The following VOPP1 variants were observed in gnomAD, a reference collection of about 807,000 sequenced individuals.
VOPP1 encodes the protein VOPP1 WW domain binding protein, also known as WW domain binding protein VOPP1.
VOPP1 carries 8 observed loss-of-function variants against 23.5 expected under a neutral mutation model. The ratio of observed to expected loss-of-function variants is 0.34; its 90% CI spans 0.20 to 0.61. The LOEUF (loss-of-function observed/expected upper bound fraction) is 0.61, where lower values mean the gene tolerates loss of function less well. Ranked by LOEUF, VOPP1 falls within the 20% of genes least tolerant of loss-of-function variation. The pLI, the probability that VOPP1 is intolerant of heterozygous loss-of-function variation, is 0.78. For missense variants in VOPP1, 174 were observed against 238.1 expected (o/e 0.73, Z 1.77); for synonymous variants, 83 against 97.3 (o/e 0.85, Z 0.86).
intron 4 of VOPP1, among the ~76,000 whole-genome samples, chr7:55,474,998 C>T (rs985662078): frequency 3.9e-5 from 6 of 152,320 alleles, no homozygotes; most frequent in African/African-American, 9.6e-5. Flanking sequence ...GGTTCCCGTG[C>T]TCTTTCTCTA....
intron 2 of VOPP1, among the ~76,000 whole-genome samples, chr7:55,500,820 T>C (rs1015780877): frequency 6.6e-6 from 1 of 152,216 alleles, no homozygotes; most frequent in Non-Finnish European, 1.5e-5. Flanking sequence ...CCAGCCCAGG[T>C]CACTGTCTGC....
At chr7:55,509,617 T>C (rs1339931339) in intron 2 of VOPP1, among the ~76,000 whole-genome samples, 2 of 152,194 alleles carry the variant, frequency 1.3e-5, no homozygotes, top group Admixed American at 6.5e-5. Flanking sequence ...TATAAGCAAA[T>C]GCTCAGAACT....
At chr7:55,533,918 C>A (rs575455127) in intron 1 of VOPP1, among the ~76,000 whole-genome samples, 1 of 152,146 alleles carries the variant, frequency 6.6e-6, no homozygotes, top group African/African-American at 2.4e-5. Context: ...TGAAAACACC[C>A]ACAGGAAGGA....
chr7:55,475,994 A>G (rs556304530), intron 4 of VOPP1, among the ~76,000 whole-genome samples: 25 of 152,318 alleles, frequency 1.6e-4, no homozygotes, highest in Non-Finnish European at 2.4e-4. Context: ...GACTCTCCCT[A>G]TGATGACAGG....
At chr7:55,518,629 C>A (rs1189426564) in intron 2 of VOPP1, among the ~76,000 whole-genome samples, 2 of 152,210 alleles carry the variant, frequency 1.3e-5, no homozygotes, top group Non-Finnish European at 2.9e-5. Context: ...GCGCTGCTGA[C>A]TGCATGGTGG....
At chr7:55,516,597 G>A (rs1365569752) in intron 2 of VOPP1, among the ~76,000 whole-genome samples, 1 of 152,204 alleles carries the variant, frequency 6.6e-6, no homozygotes, top group Non-Finnish European at 1.5e-5. Context: ...TGCCACCTGG[G>A]ATTTCCGGTG....
At chr7:55,438,480 A>C (rs1330086706) in intron 4 of VOPP1, among the ~76,000 whole-genome samples, 1 of 152,174 alleles carries the variant, frequency 6.6e-6, no homozygotes, top group East Asian at 1.9e-4. Context: ...TGATGGTGGG[A>C]GGTACACAGG....
At chr7:55,486,083 G>A (rs924611158) in intron 4 of VOPP1, among the ~76,000 whole-genome samples, 3 of 152,218 alleles carry the variant, frequency 2.0e-5, no homozygotes, top group African/African-American at 7.2e-5. Context: ...ACCACGACGG[G>A]CCAGAGGCTC....
intron 1 of VOPP1, among the ~76,000 whole-genome samples, chr7:55,535,759 G>C (rs1438137896): frequency 6.6e-6 from 1 of 152,158 alleles, no homozygotes; most frequent in African/African-American, 2.4e-5. Flanking sequence ...AACTTATTTG[G>C]TCCTAATGAG....
intron 3 of VOPP1, among the ~76,000 whole-genome samples, chr7:55,494,728 TG>T (rs1562925307): frequency 6.6e-6 from 1 of 152,214 alleles, no homozygotes; most frequent in Non-Finnish European, 1.5e-5. Flanking sequence ...CCTCCCACCT[TG>T]GCCTCCCAAA....
Position 55,552,539 on chromosome 7 carries a change from A to C in VOPP1, c.54+19732T>G. The C allele has an allele frequency of 5.3e-6, 8 of 1,506,932 alleles. No individual in the cohort carries two copies. The South Asian group carries it at 9.6e-5, about 18-fold the overall frequency. The allele number at this position is 1,506,932 out of a possible 1,614,324, so 93.3% of individuals were successfully genotyped here. On this transcript the variant is annotated intron_variant, in intron 1 of 4. Transcript: ENST00000285279. ...ATGCTTACACATGCCCAGCAACACAAGCATGATTTTCCCAGGGTGACAAAT... is the reference window on the plus strand; with the variant it reads ...ATGCTTACACATGCCCAGCAACACACGCATGATTTTCCCAGGGTGACAAAT...
intron 4 of VOPP1, among the ~76,000 whole-genome samples, chr7:55,441,961 C>T (rs1000138728): frequency 2.0e-5 from 3 of 152,210 alleles, no homozygotes; most frequent in Non-Finnish European, 2.9e-5. Flanking sequence ...GCAACAGGGA[C>T]TCCTCATTCT....
At chr7:55,487,999 T>A (rs913551076) in intron 4 of VOPP1, among the ~76,000 whole-genome samples, 1 of 152,188 alleles carries the variant, frequency 6.6e-6, no homozygotes. Context: ...GTGAACACAG[T>A]GGCTGGAGCT....
At chr7:55,510,706 T>C (rs1452361005) in intron 2 of VOPP1, among the ~76,000 whole-genome samples, 1 of 151,322 alleles carries the variant, frequency 6.6e-6, no homozygotes, top group Non-Finnish European at 1.5e-5. Flanking sequence ...TCTCAGCCCC[T>C]CAGACGGCGT....
At chr7:55,442,540 T>G (rs1003549087) in intron 4 of VOPP1, among the ~76,000 whole-genome samples, 2 of 152,170 alleles carry the variant, frequency 1.3e-5, no homozygotes, top group Non-Finnish European at 2.9e-5. Context: ...CAACTGGTAC[T>G]GCTTTGTACC....
chr7:55,534,428 G>C lies in VOPP1; in HGVS notation c.55-13298C>G, dbSNP rs187148017. Among the ~76,000 whole-genome samples, 2 of 152,204 alleles carry C rather than the reference G, an allele frequency of 1.3e-5. 1 individual carries two copies. Among genetic ancestry groups the C allele is most frequent in the South Asian group, 4.1e-4 (2 of 4,832 alleles). ...TGAAGGGCAGCTGCGTGTAGGGAGCGGGGGCTGCCCAAAGTTTCACTCTGA... is the reference window on the plus strand; with the variant it reads ...TGAAGGGCAGCTGCGTGTAGGGAGCCGGGGCTGCCCAAAGTTTCACTCTGA... On this transcript the variant is annotated intron_variant, in intron 1 of 4. Coordinates refer to ENST00000285279, the MANE Select transcript of VOPP1 (RefSeq NM_030796.5).
At chr7:55,499,858 C>G (rs1794245004) in intron 2 of VOPP1, among the ~76,000 whole-genome samples, 1 of 152,098 alleles carries the variant, frequency 6.6e-6, no homozygotes, top group Non-Finnish European at 1.5e-5. Context: ...TTCTGCAGGC[C>G]AGCGCCCTGC....
chr7:55,521,887 C>T (rs80156720), intron 1 of VOPP1: 13,746 of 985,940 alleles, frequency 0.014, 101 homozygotes, highest in Middle Eastern at 0.024. Flanking sequence ...ATGCTCTTCC[C>T]ATCTGAACAA....
At chr7:55,540,799 C>T (rs764454652) in intron 1 of VOPP1, among the ~76,000 whole-genome samples, 2 of 152,194 alleles carry the variant, frequency 1.3e-5, no homozygotes, top group African/African-American at 2.4e-5. Flanking sequence ...AACACTGAGA[C>T]AGAGTCGATG....
Sources: allele counts gnomAD v4.1 joint callset (sites outside exome capture counted in the v4.1 genomes callset), GRCh38; gene constraint gnomAD v4.1.1; transcripts MANE v1.5; gene names NCBI Gene and HGNC (gene_info 2026-07-23, HGNC 2026-07-21).